KCNK5: variants seen among roughly 807,000 people sequenced by gnomAD.
KCNK5 encodes potassium channel subfamily K member 5.
A neutral mutation model predicts 32.9 loss-of-function variants in KCNK5; 18 were observed. The ratio of observed to expected loss-of-function variants is 0.55; its 90% CI spans 0.38 to 0.81. The LOEUF is 0.81. Ranked by LOEUF, KCNK5 falls within the 30% of genes least tolerant of loss-of-function variation. The pLI is 0.00. For synonymous variants in KCNK5, 276 were observed against 275.3 expected (o/e 1.00, Z -0.03); for missense variants, 507 against 651.0 (o/e 0.78, Z 2.41).
chr6:39,220,105 A>T (rs907730386), intron 1 of KCNK5, among the ~76,000 whole-genome samples: 1 of 152,066 alleles, frequency 6.6e-6, no homozygotes, highest in Non-Finnish European at 1.5e-5. Context: ...TGTCCTCCCC[A>T]CCCAGTGTGG....
chr6:39,204,086 C>G (rs733701), intron 1 of KCNK5, among the ~76,000 whole-genome samples: 1 of 152,156 alleles, frequency 6.6e-6, no homozygotes, highest in African/African-American at 2.4e-5. Flanking sequence ...AGATACTGGA[C>G]GAAAGGCAGC....
chr6:39,220,050 C>G (rs182448954), intron 1 of KCNK5, among the ~76,000 whole-genome samples: 61 of 152,292 alleles, frequency 4.0e-4, no homozygotes, highest in East Asian at 1.2e-3. Flanking sequence ...TCATCCCTAG[C>G]CCCAAGCACA....
At chr6:39,221,107 A>G (rs1771540002) in intron 1 of KCNK5, among the ~76,000 whole-genome samples, 1 of 152,104 alleles carries the variant, frequency 6.6e-6, no homozygotes, top group Non-Finnish European at 1.5e-5. Flanking sequence ...TCATCCTTCC[A>G]CTTCCTAGCT....
At chr6:39,210,547 C>G (rs184391461) in intron 1 of KCNK5, among the ~76,000 whole-genome samples, 1 of 152,210 alleles carries the variant, frequency 6.6e-6, no homozygotes, top group African/African-American at 2.4e-5. Context: ...AACCCAACAA[C>G]GATGGGGCCA....
At chr6:39,222,155 G>A (rs537916623) in intron 1 of KCNK5, among the ~76,000 whole-genome samples, 99 of 152,314 alleles carry the variant, frequency 6.5e-4, no homozygotes, top group African/African-American at 2.3e-3. Flanking sequence ...AAGGGATAGC[G>A]AAGATGCAAT....
chr6:39,210,080 G>A (rs933676899), intron 1 of KCNK5, among the ~76,000 whole-genome samples: 1 of 152,186 alleles, frequency 6.6e-6, no homozygotes, highest in African/African-American at 2.4e-5. Flanking sequence ...TAATGTGCCA[G>A]GTTTCTAAGT....
chr6:39,221,231 T>G (rs144792719), intron 1 of KCNK5, among the ~76,000 whole-genome samples: 40 of 152,314 alleles, frequency 2.6e-4, no homozygotes, highest in Middle Eastern at 3.4e-3. Flanking sequence ...TTCAGTGAGA[T>G]GATGCACATC....
In KCNK5 at chr6:39,194,003, C is replaced by G. The variant is rs1264607888; in HGVS notation, c.634+166G>C. ...GAGAAAAGAGTTTTTTGTCATTACT[C>G]TGGGTCTTAGTTTCCTCTTGCAAAT... On this transcript the variant is annotated intron_variant, in intron 4 of 4. Transcript: ENST00000359534. This position sits in a 1 kb window ranked among gnomAD's most constrained non-coding sequence, Gnocchi z 4.7. Among the ~76,000 whole-genome samples, 1 of 152,194 alleles carries G rather than the reference C, an allele frequency of 6.6e-6. No homozygotes were observed. The highest frequency in any genetic ancestry group is 2.4e-5 in the African/African-American group (1 of 41,448).
chr6:39,229,260 C>T lies in KCNK5; in HGVS notation c.-149G>A. On this transcript the variant is annotated 5_prime_UTR_variant, in exon 1 of 5. Transcript: ENST00000359534. ...ACTCACCCCCCGCAAGCACCGCTCCCCGGACAGAGTTGCTTGGCCAAGTTG... is the reference window on the plus strand; with the variant it reads ...ACTCACCCCCCGCAAGCACCGCTCCTCGGACAGAGTTGCTTGGCCAAGTTG... The T allele has an allele frequency of 2.3e-6, 2 of 861,560 alleles. No individual in the cohort carries two copies. Among genetic ancestry groups the T allele is most frequent in the Non-Finnish European group, 3.5e-6 (2 of 572,694 alleles). 53.4% of individuals were successfully genotyped at this position (861,560 alleles called of 1,614,324 possible). A position where few individuals can be genotyped will look rare whatever the true frequency, so the allele number is the denominator to read the frequency against.
chr6:39,217,768 G>A (rs981916209), intron 1 of KCNK5, among the ~76,000 whole-genome samples: 4 of 152,176 alleles, frequency 2.6e-5, no homozygotes, highest in Non-Finnish European at 2.9e-5. Context: ...CTCCTTGGGC[G>A]CAGACGCAGG....
chr6:39,207,971 T>C (rs1209690752), intron 1 of KCNK5, among the ~76,000 whole-genome samples: 1 of 152,154 alleles, frequency 6.6e-6, no homozygotes, highest in Non-Finnish European at 1.5e-5. Flanking sequence ...TTGAACACAG[T>C]TGGGGCTGAC....
chr6:39,195,938 G>A lies in KCNK5; in HGVS notation c.236C>T (p.Thr79Ile). 6.2e-7 allele frequency: 1 copy of A among 1,613,906 alleles called. No individual in the cohort carries two copies. Among genetic ancestry groups the A allele is most frequent in the Non-Finnish European group, 8.5e-7 (1 of 1,179,940 alleles). The change falls in exon 2 of 5, where the codon ACC becomes ATC. Residue 79 changes from threonine (T) to isoleucine (I), a missense_variant. Thr to Ile is a moderately conservative substitution (Grantham distance 89). This residue lies in a region of KCNK5 where 143 missense variants were observed against 219.1 expected (regional missense o/e 0.65). Coordinates refer to ENST00000359534, the MANE Select transcript of KCNK5 (RefSeq NM_003740.4). The part of the protein sequence containing the change: ...GQGVAITGNQ[T>I]FNNWNWPNAM... ...ATTGGGCCAGTTCCAGTTGTTGAAG[G>A]TCTGGTTCCCTGTGATGGCCACACC...
rs57204833 is a variant in KCNK5, at chr6:39,217,118, C to CA, written c.186+11807dup. Among the ~76,000 whole-genome samples, 107 of 74,364 alleles carry CA rather than the reference C, an allele frequency of 1.4e-3. 2 individuals carry two copies. Among genetic ancestry groups the CA allele is most frequent in the African/African-American group, 3.4e-3 (74 of 21,932 alleles). The allele number at this position is 74,364 out of a possible 152,430, so 48.8% of individuals were successfully genotyped here. ...CTGGGCAACAAGAGCAAAACTCCAT[C>CA]AAAAAAAAAAAAAAAAAAAAAAAAA... On this transcript the variant is annotated intron_variant, in intron 1 of 4. Transcript: ENST00000359534.
rs140408377 is a variant in KCNK5, at chr6:39,210,389, C to T, written c.187-14402G>A. ...GGGCAAGGTGGTAGAACAGGGGGTT[C>T]TCGTCACCTTCACTCCCCCTAGGGA... On this transcript the variant is annotated intron_variant, in intron 1 of 4. Coordinates refer to ENST00000359534, the MANE Select transcript of KCNK5 (RefSeq NM_003740.4). Among the ~76,000 whole-genome samples, 46 of 152,280 alleles carry T rather than the reference C, an allele frequency of 3.0e-4. No homozygotes were observed. The East Asian group carries it at 7.5e-3, about 25-fold the overall frequency.
intron 1 of KCNK5, among the ~76,000 whole-genome samples, chr6:39,206,883 G>T (rs1292276488): frequency 6.6e-6 from 1 of 152,216 alleles, no homozygotes; most frequent in African/African-American, 2.4e-5. Flanking sequence ...GGCACATGGG[G>T]CGTGTTCCAG....
intron 1 of KCNK5, among the ~76,000 whole-genome samples, chr6:39,214,432 C>T (rs1771394168): frequency 6.6e-6 from 1 of 152,158 alleles, no homozygotes; most frequent in South Asian, 2.1e-4. Context: ...AGGACACCCA[C>T]TGCAGGGGCT....
intron 1 of KCNK5, 72 bp downstream of exon 1, chr6:39,228,854 G>A: frequency 2.7e-6 from 4 of 1,480,488 alleles, no homozygotes; most frequent in East Asian, 2.3e-5. Context: ...GCTGTGAAGG[G>A]GTCTTCCTTT....
chr6:39,216,456 T>C (rs1311732326), intron 1 of KCNK5, among the ~76,000 whole-genome samples: 1 of 151,764 alleles, frequency 6.6e-6, no homozygotes, highest in Non-Finnish European at 1.5e-5. Context: ...AGTGATGGGG[T>C]GTGTGTGGAA....
At position 39,223,844 on chromosome 6, in the gene KCNK5, A is replaced by T. The variant is rs138292327; in HGVS notation, c.186+5082T>A. Among the ~76,000 whole-genome samples the T allele has an allele frequency of 3.8e-4, 58 of 152,274 alleles. 1 individual carries two copies. Among genetic ancestry groups the T allele is most frequent in the African/African-American group, 1.3e-3 (56 of 41,542 alleles). On this transcript the variant is annotated intron_variant, in intron 1 of 4. Transcript: ENST00000359534. ...GGATTTTGTTTCTTCTAAACGCCAGACTATAAATAGGGCAAAACCCCAGGA... is the reference window on the plus strand; with the variant it reads ...GGATTTTGTTTCTTCTAAACGCCAGTCTATAAATAGGGCAAAACCCCAGGA...
Sources: allele counts gnomAD v4.1 joint callset (sites outside exome capture counted in the v4.1 genomes callset), GRCh38; gene constraint gnomAD v4.1.1; regional missense constraint gnomAD v4.1.1; non-coding constraint Gnocchi (gnomAD v3.1); transcripts MANE v1.5; gene names NCBI Gene and HGNC (gene_info 2026-07-23, HGNC 2026-07-21).